TRIP12: variants seen among roughly 807,000 people sequenced by gnomAD.
TRIP12 encodes E3 ubiquitin-protein ligase TRIP12.
TRIP12 carries 25 observed loss-of-function variants against 244.2 expected under a neutral mutation model. The ratio of observed to expected loss-of-function variants is 0.10; its 90% CI spans 0.07 to 0.14. The LOEUF (loss-of-function observed/expected upper bound fraction) is 0.14, where lower values mean the gene tolerates loss of function less well. Ranked by LOEUF, TRIP12 falls within the 10% of genes least tolerant of loss-of-function variation. The pLI, the probability that TRIP12 is intolerant of heterozygous loss-of-function variation, is 1.00. For synonymous variants in TRIP12, 905 were observed against 873.1 expected (o/e 1.04, Z -0.64); for missense variants, 1,677 against 2,486.4 (o/e 0.67, Z 6.92).
intron 16 of TRIP12, 119 bp downstream of exon 16, chr2:229,808,133 A>G: frequency 3.8e-6 from 3 of 794,760 alleles, no homozygotes; most frequent in East Asian, 5.3e-5. Flanking sequence ...CGCCCAGGTA[A>G]TTTTTTGTAT....
chr2:229,886,003 G>A (rs943769711), intron 1 of TRIP12, among the ~76,000 whole-genome samples: 30 of 151,956 alleles, frequency 2.0e-4, no homozygotes, highest in Non-Finnish European at 4.0e-4. Flanking sequence ...TACTTATTAA[G>A]TACAATCTTA....
In TRIP12 at chr2:229,851,368, C is replaced by CT. The variant is rs1279819076; in HGVS notation, c.1027+7403dup. 2.6e-5 allele frequency among the ~76,000 whole-genome samples: 4 copies of CT among 152,036 alleles called. No individual in the cohort carries two copies. The East Asian group carries it at 7.7e-4, about 29-fold the overall frequency. ...CTTGGAGAACCTTTGTGTCAACACT[C>CT]TGTATCTAGCTAATCTGGTGGGGAC... On this transcript the variant is annotated intron_variant, in intron 4 of 41. Coordinates refer to ENST00000675903, the MANE Select transcript of TRIP12 (RefSeq NM_001348323.3).
intron 1 of TRIP12, among the ~76,000 whole-genome samples, chr2:229,917,436 T>G (rs2075694521): frequency 7.5e-6 from 1 of 133,050 alleles, no homozygotes; most frequent in Non-Finnish European, 1.6e-5. Flanking sequence ...AGCACTAAGA[T>G]TATATACAAC....
intron 4 of TRIP12, among the ~76,000 whole-genome samples, chr2:229,850,003 A>G (rs1027750700): frequency 4.0e-5 from 6 of 151,696 alleles, no homozygotes; most frequent in Non-Finnish European, 5.9e-5. Context: ...TCTTCTTTGT[A>G]TATTTTGGTA....
At chr2:229,922,685 C>A, upstream of TRIP12, 1 of 1,495,376 alleles carries the variant, frequency 6.7e-7, no homozygotes, top group Non-Finnish European at 9.2e-7. Flanking sequence ...GCAGGCTGTG[C>A]TAGGCCAAGA....
intron 1 of TRIP12, among the ~76,000 whole-genome samples, chr2:229,893,889 G>A (rs567490341): frequency 6.6e-5 from 10 of 152,278 alleles, no homozygotes; most frequent in African/African-American, 2.4e-4. Context: ...GGGAGATGGA[G>A]GTGAGTAGAG....
chr2:229,888,913 T>C (rs775244362), intron 1 of TRIP12, among the ~76,000 whole-genome samples: 8 of 152,122 alleles, frequency 5.3e-5, no homozygotes, highest in Non-Finnish European at 1.0e-4. Flanking sequence ...TGCTAGACTT[T>C]ATAAAGAGAA....
chr2:229,863,630 T>TG (rs1335918357), intron 2 of TRIP12, among the ~76,000 whole-genome samples: 2 of 152,184 alleles, frequency 1.3e-5, no homozygotes, highest in East Asian at 3.8e-4. Context: ...AGTGACAATA[T>TG]GGGGCCTCCC....
chr2:229,770,141 T>A (rs954432696), intron 39 of TRIP12, among the ~76,000 whole-genome samples: 3 of 152,018 alleles, frequency 2.0e-5, no homozygotes, highest in African/African-American at 4.8e-5. Flanking sequence ...CAGCTAATTA[T>A]TTTTTTTATT....
In TRIP12 at chr2:229,787,524, G is replaced by C; in HGVS notation, c.4976C>G (p.Pro1659Arg). 6.2e-7 allele frequency: 1 copy of C among 1,609,282 alleles called. No individual in the cohort carries two copies. Among genetic ancestry groups the C allele is most frequent in the Non-Finnish European group, 8.5e-7 (1 of 1,178,698 alleles). ...ACTTACTTTTTTTCTATCCAATCTA[G>C]GTGCAACTCTGCTATCTTGAGAATC... ...QSDSQDSRVA[P>R]RLDRKKRTVN... Residue 1659 changes from proline to arginine, a missense_variant, in exon 33 of 42, where the codon CCT becomes CGT. Coordinates refer to ENST00000675903, the MANE Select transcript of TRIP12 (RefSeq NM_001348323.3).
At position 229,771,581 on chromosome 2, in the gene TRIP12, A is replaced by G; in HGVS notation, c.5746T>C (p.Phe1916Leu). 1 of 1,614,116 alleles carries G rather than the reference A, an allele frequency of 6.2e-7. No individual in the cohort carries two copies. The highest frequency in any genetic ancestry group is 8.5e-7 in the Non-Finnish European group (1 of 1,179,968). The change falls in exon 39 of 42, where the codon TTC (phenylalanine) becomes CTC (leucine). Residue 1916 changes from phenylalanine (F) to leucine (L), a missense_variant. Coordinates refer to ENST00000675903, the MANE Select transcript of TRIP12 (RefSeq NM_001348323.3). ...NEGVSRQFDS[F>L]RDGFESVFPL... ...AAGACTGATTCAAATCCATCTCTGA[A>G]CGAATCAAATTGCCTAGAAACGCCT...
intron 1 of TRIP12, among the ~76,000 whole-genome samples, chr2:229,905,329 A>G (rs901941239): frequency 2.0e-5 from 3 of 152,182 alleles, no homozygotes; most frequent in African/African-American, 4.8e-5. Context: ...GCAAGTGCAG[A>G]TAATAGGAGT....
intron 37 of TRIP12, among the ~76,000 whole-genome samples, chr2:229,776,245 T>A (rs1483323431): frequency 1.3e-5 from 2 of 152,198 alleles, no homozygotes; most frequent in African/African-American, 4.8e-5. Context: ...AAACAGAGCC[T>A]CCTGTTTTAC....
At chr2:229,922,239 G>GTGGAGATCTACT, upstream of TRIP12, 1 of 445,080 alleles carries the variant, frequency 2.2e-6, no homozygotes, top group East Asian at 4.2e-5. Context: ...GAAGGGGACT[G>GTGGAGATCTACT]TGGAGATCTA....
At chr2:229,784,180 A>G (rs1166753875) in intron 34 of TRIP12, among the ~76,000 whole-genome samples, 1 of 151,628 alleles carries the variant, frequency 6.6e-6, no homozygotes, top group Non-Finnish European at 1.5e-5. Flanking sequence ...ATGACTTACT[A>G]TAAAGCTATG....
chr2:229,894,784 T>A (rs1450322378), intron 1 of TRIP12, among the ~76,000 whole-genome samples: 3 of 152,162 alleles, frequency 2.0e-5, no homozygotes, highest in African/African-American at 7.2e-5. Context: ...TGCCTAAGAA[T>A]TACCTATGGA....
chr2:229,814,615 A>G (rs1454441605), intron 11 of TRIP12: 4 of 267,456 alleles, frequency 1.5e-5, no homozygotes, highest in Admixed American at 4.9e-5. Context: ...GTTTTACACA[A>G]CAAAATTTTA....
Position 229,896,279 on chromosome 2 carries a change from T to C in TRIP12, c.-49-16151A>G, listed in dbSNP as rs1316605680. ...CGTTGTATTTTCCACAAAAAGACCT[T>C]GTTAAATATACTGTTTTACTTTGTA... On this transcript the variant is annotated intron_variant, in intron 1 of 41. Coordinates refer to ENST00000675903, the MANE Select transcript of TRIP12 (RefSeq NM_001348323.3). 2.6e-5 allele frequency among the ~76,000 whole-genome samples: 4 copies of C among 152,208 alleles called. No homozygotes were observed. In the East Asian group the frequency reaches 7.7e-4, roughly 29 times the overall value.
chr2:229,782,738 A>G (rs2038655644), intron 34 of TRIP12, among the ~76,000 whole-genome samples: 1 of 152,252 alleles, frequency 6.6e-6, no homozygotes, highest in African/African-American at 2.4e-5. Flanking sequence ...AAATAGGCAC[A>G]GGTAGTATCA....
Sources: allele counts gnomAD v4.1 joint callset (sites outside exome capture counted in the v4.1 genomes callset), GRCh38; gene constraint gnomAD v4.1.1; transcripts MANE v1.5; gene names NCBI Gene and HGNC (gene_info 2026-07-23, HGNC 2026-07-21).